TAFA4: variants seen among roughly 807,000 people sequenced by gnomAD.
The protein encoded by TAFA4 is chemokine-like protein TAFA-4.
A neutral mutation model predicts 21.1 loss-of-function variants in TAFA4; 20 were observed. The observed-to-expected ratio is 0.95, with a 90% CI of 0.67 to 1.38. The LOEUF (loss-of-function observed/expected upper bound fraction) is 1.38. Ranked by LOEUF, TAFA4 falls within the 40% of genes most tolerant of loss-of-function variation. TAFA4 has a pLI of 0.00. For synonymous variants in TAFA4, 71 were observed against 67.4 expected (o/e 1.05, Z -0.26); for missense variants, 211 against 180.9 (o/e 1.17, Z -0.95).
chr3:68,765,639 A>G (rs1702839381), intron 3 of TAFA4, among the ~76,000 whole-genome samples: 1 of 152,210 alleles, frequency 6.6e-6, no homozygotes, highest in Admixed American at 6.5e-5. Flanking sequence ...ATGGCAGAGT[A>G]ACCGCCTGTG....
intron 3 of TAFA4, among the ~76,000 whole-genome samples, chr3:68,819,178 G>T (rs564708981): frequency 3.3e-5 from 5 of 151,972 alleles, no homozygotes; most frequent in African/African-American, 9.7e-5. Context: ...GGCTGAGGTG[G>T]GAGAACCACT....
At chr3:68,812,032 A>G (rs574981230) in intron 3 of TAFA4, among the ~76,000 whole-genome samples, 75 of 152,316 alleles carry the variant, frequency 4.9e-4, no homozygotes, top group South Asian at 8.3e-4. Context: ...ACATTCTTAA[A>G]GAAAAGAATT....
At chr3:68,832,792 G>A (rs1393585560) in intron 3 of TAFA4, among the ~76,000 whole-genome samples, 1 of 152,242 alleles carries the variant, frequency 6.6e-6, no homozygotes, top group Non-Finnish European at 1.5e-5. Context: ...TGCCTCCAGA[G>A]GCGGAATCTA....
At chr3:68,738,438 G>C (rs1702283932) in intron 5 of TAFA4, among the ~76,000 whole-genome samples, 1 of 152,192 alleles carries the variant, frequency 6.6e-6, no homozygotes, top group Non-Finnish European at 1.5e-5. Context: ...GAAGGCAGCA[G>C]TCTAGCAGTC....
intron 1 of TAFA4, among the ~76,000 whole-genome samples, chr3:68,908,695 G>T (rs2089927553): frequency 6.6e-6 from 1 of 152,164 alleles, no homozygotes; most frequent in Non-Finnish European, 1.5e-5. Flanking sequence ...TGTCTTGATG[G>T]TAAATTCAAG....
At chr3:68,895,997 G>C (rs764753301) in intron 1 of TAFA4, among the ~76,000 whole-genome samples, 6 of 152,178 alleles carry the variant, frequency 3.9e-5, no homozygotes, top group Non-Finnish European at 8.8e-5. Flanking sequence ...ATTACATAAT[G>C]TGACTTTCCA....
At chr3:68,890,355 C>T (rs2089717813) in intron 1 of TAFA4, among the ~76,000 whole-genome samples, 1 of 152,116 alleles carries the variant, frequency 6.6e-6, no homozygotes, top group African/African-American at 2.4e-5. Flanking sequence ...ACATTACATA[C>T]GTACTTAAAA....
chr3:68,763,389 C>A (rs939985781), intron 3 of TAFA4, among the ~76,000 whole-genome samples: 2 of 152,166 alleles, frequency 1.3e-5, no homozygotes, highest in African/African-American at 2.4e-5. Flanking sequence ...TCAGAGCCTT[C>A]TTCCTACACC....
At chr3:68,901,020 C>A (rs2089839842) in intron 1 of TAFA4, among the ~76,000 whole-genome samples, 1 of 152,152 alleles carries the variant, frequency 6.6e-6, no homozygotes, top group Non-Finnish European at 1.5e-5. Context: ...CCTCTTCCTG[C>A]AACTTAGAAT....
Position 68,794,412 on chromosome 3 carries a change from A to T in TAFA4, c.131-41394T>A, listed in dbSNP as rs77242394. 8.4e-3 allele frequency among the ~76,000 whole-genome samples: 1,273 copies of T among 152,326 alleles called. 21 individuals are homozygous for T. The highest frequency in any genetic ancestry group is 0.029 in the African/African-American group (1,188 of 41,574). On this transcript the variant is annotated intron_variant, in intron 3 of 5. Coordinates refer to ENST00000295569, the MANE Select transcript of TAFA4 (RefSeq NM_182522.5). ...AATACATGCTGCATTATTACAAAGTAATCTAACACCCGGCTTTAAAGTCCC... is the reference window on the plus strand; with the variant it reads ...AATACATGCTGCATTATTACAAAGTTATCTAACACCCGGCTTTAAAGTCCC...
At chr3:68,739,389 G>A (rs1022467333) in intron 4 of TAFA4, among the ~76,000 whole-genome samples, 190 bp from the exon 5 acceptor site, 22 of 152,110 alleles carry the variant, frequency 1.4e-4, no homozygotes, top group Admixed American at 1.2e-3. Context: ...AATTTTAAAA[G>A]CAACAGATGT....
intron 1 of TAFA4, among the ~76,000 whole-genome samples, chr3:68,920,881 A>G (rs2090054874): frequency 6.6e-6 from 1 of 152,094 alleles, no homozygotes; most frequent in African/African-American, 2.4e-5. Context: ...AAAAATTAGG[A>G]CAATTTTGTT....
At chr3:68,920,414 T>C (rs1035673307) in intron 1 of TAFA4, among the ~76,000 whole-genome samples, 1 of 152,238 alleles carries the variant, frequency 6.6e-6, no homozygotes, top group African/African-American at 2.4e-5. Context: ...TTCCTATTTC[T>C]GTTGATTAGT....
intron 4 of TAFA4, among the ~76,000 whole-genome samples, chr3:68,747,552 G>A (rs1702483160): frequency 6.6e-6 from 1 of 152,128 alleles, no homozygotes; most frequent in South Asian, 2.1e-4. Flanking sequence ...CCAGCCACGT[G>A]GAACTGTGAG....
intron 1 of TAFA4, among the ~76,000 whole-genome samples, chr3:68,891,723 A>G (rs988317359): frequency 6.6e-6 from 1 of 152,182 alleles, no homozygotes; most frequent in African/African-American, 2.4e-5. Context: ...TATGAGTGGA[A>G]GGGTAGGGAT....
chr3:68,788,071 C>CT (rs1703293016), intron 3 of TAFA4, among the ~76,000 whole-genome samples: 1 of 152,194 alleles, frequency 6.6e-6, no homozygotes, highest in African/African-American at 2.4e-5. Context: ...GGTTTTGATC[C>CT]ATTATAGCCC....
intron 3 of TAFA4, among the ~76,000 whole-genome samples, chr3:68,830,498 T>C (rs1036664580): frequency 6.6e-6 from 1 of 152,198 alleles, no homozygotes; most frequent in Non-Finnish European, 1.5e-5. Context: ...TTGTGCAGTT[T>C]TGAGTGAGTT....
At chr3:68,893,568 C>T (rs963526754) in intron 1 of TAFA4, among the ~76,000 whole-genome samples, 1 of 152,182 alleles carries the variant, frequency 6.6e-6, no homozygotes, top group African/African-American at 2.4e-5. Flanking sequence ...AACCGGATGA[C>T]CTCCGAGGTG....
At chr3:68,851,628 T>A (rs941730641) in intron 3 of TAFA4, among the ~76,000 whole-genome samples, 1 of 152,112 alleles carries the variant, frequency 6.6e-6, no homozygotes, top group Admixed American at 6.5e-5. Context: ...GCTAGGCAAA[T>A]ATTACCATCT....
Sources: allele counts gnomAD v4.1 joint callset (sites outside exome capture counted in the v4.1 genomes callset), GRCh38; gene constraint gnomAD v4.1.1; transcripts MANE v1.5; gene names NCBI Gene and HGNC (gene_info 2026-07-23, HGNC 2026-07-21).